The following DNAJC8 variants were observed in gnomAD, a reference collection of about 807,000 sequenced individuals.
DNAJC8 encodes the protein dnaJ homolog subfamily C member 8.
A neutral mutation model predicts 43.2 loss-of-function variants in DNAJC8; 24 were observed. The ratio of observed to expected loss-of-function variants is 0.56; its 90% confidence interval spans 0.40 to 0.78. The LOEUF is 0.78. DNAJC8 is among the 30% of genes least tolerant of loss of function. DNAJC8 has a pLI of 0.00. For missense variants in DNAJC8, 207 were observed against 299.4 expected (o/e 0.69, Z 2.28); for synonymous variants, 83 against 98.0 (o/e 0.85, Z 0.90).
At chr1:28,224,168 TG>T (rs1265385956) in intron 2 of DNAJC8, among the ~76,000 whole-genome samples, 2 of 152,154 alleles carry the variant, frequency 1.3e-5, no homozygotes, top group African/African-American at 4.8e-5. Flanking sequence ...GGCAAATAAA[TG>T]AACTAAAATT....
chr1:28,208,330 T>C lies in DNAJC8; in HGVS notation c.471+12A>G. The C allele has an allele frequency of 1.2e-6, 2 of 1,608,958 alleles. No individual in the cohort carries two copies. Among genetic ancestry groups the C allele is most frequent in the Non-Finnish European group, 1.7e-6 (2 of 1,177,056 alleles). ...ACACAAGATACAGTGGCTTTTCCTATATTTAACTCACCAGCTCAGGATCAT... is the reference window on the plus strand; with the variant it reads ...ACACAAGATACAGTGGCTTTTCCTACATTTAACTCACCAGCTCAGGATCAT... On this transcript the variant is annotated intron_variant, in intron 6 of 8. Coordinates refer to ENST00000263697, the MANE Select transcript of DNAJC8 (RefSeq NM_014280.3).
intron 6 of DNAJC8, 31 bp downstream of exon 6, chr1:28,208,311 G>A: frequency 6.4e-7 from 1 of 1,572,504 alleles, no homozygotes; most frequent in Non-Finnish European, 8.7e-7. Context: ...AATCACACAA[G>A]ATACAGTGGC....
At chr1:28,231,869 G>A (rs909602044) in intron 1 of DNAJC8, among the ~76,000 whole-genome samples, 19 of 151,442 alleles carry the variant, frequency 1.3e-4, no homozygotes, top group Non-Finnish European at 2.2e-4. Context: ...CCGGGTTCAC[G>A]CCATTCTCCT....
chr1:28,219,324 C>A (rs11803676), intron 2 of DNAJC8, among the ~76,000 whole-genome samples: 1 of 151,948 alleles, frequency 6.6e-6, no homozygotes, highest in Admixed American at 6.6e-5. Context: ...CTGGCTAACA[C>A]GGTGAAACAT....
chr1:28,201,791 A>C (rs1269876656), intron 8 of DNAJC8, among the ~76,000 whole-genome samples: 1 of 147,280 alleles, frequency 6.8e-6, no homozygotes, highest in Non-Finnish European at 1.5e-5. Context: ...CTTTGTATCA[A>C]AAAAAAAAAA....
At chr1:28,228,279 A>G (rs763071087) in intron 2 of DNAJC8, among the ~76,000 whole-genome samples, 7 of 149,424 alleles carry the variant, frequency 4.7e-5, no homozygotes, top group Non-Finnish European at 8.9e-5. Context: ...AACCTGGGAG[A>G]AGGAGGTTGC....
intron 8 of DNAJC8, 57 bp downstream of exon 8, chr1:28,203,690 C>T: frequency 8.3e-6 from 13 of 1,573,094 alleles, no homozygotes; most frequent in Non-Finnish European, 1.0e-5. Flanking sequence ...GGGAGCGCCA[C>T]AGGAACCAAG....
At chr1:28,208,918 G>C (rs1359972393) in intron 5 of DNAJC8, 5 of 152,020 alleles carry the variant, frequency 3.3e-5, no homozygotes, top group African/African-American at 1.2e-4. Flanking sequence ...TTATCACATT[G>C]GCCACTACTG....
Position 28,205,314 on chromosome 1 carries a change from G to C in DNAJC8, c.507C>G (p.Leu169=). The change falls in exon 7 of 9, where the codon CTC becomes CTG. Residue 169 remains leucine (L), a synonymous_variant. Transcript: ENST00000263697. ...KQAVYKQTMK[L]FAELEIKRKE... ...TCCTTTTAATTTCCAGCTCTGCAAA[G>C]AGTTTCATTGTCTGTTTATATACAG... The C allele has an allele frequency of 4.3e-6, 7 of 1,613,452 alleles. No homozygotes were observed. Among genetic ancestry groups the C allele is most frequent in the Non-Finnish European group, 5.9e-6 (7 of 1,179,878 alleles).
At chr1:28,209,819 A>T (rs1646798469) in intron 5 of DNAJC8, among the ~76,000 whole-genome samples, 153 bp downstream of exon 5, 1 of 152,186 alleles carries the variant, frequency 6.6e-6, no homozygotes, top group African/African-American at 2.4e-5. Flanking sequence ...TCAGGCACAC[A>T]CTATTCATGA....
intron 3 of DNAJC8, among the ~76,000 whole-genome samples, 190 bp downstream of exon 3, chr1:28,214,750 G>A (rs1248193989): frequency 2.0e-5 from 3 of 151,780 alleles, no homozygotes; most frequent in Admixed American, 1.3e-4. Context: ...CTATTCATAG[G>A]TAAGCTATGG....
In DNAJC8 at chr1:28,205,252, AT is replaced by A; in HGVS notation, c.563+5del. Reference sequence around the variant, plus strand: ...ATATGGTTTAAATGAATATACTGATATGTACCTTTCATGCATCTCTTTGGCT... The same window carrying A: ...ATATGGTTTAAATGAATATACTGATAGTACCTTTCATGCATCTCTTTGGCT... On this transcript the variant is annotated splice_donor_5th_base_variant and intron_variant, in intron 7 of 8. Transcript: ENST00000263697. 6.2e-7 allele frequency: 1 copy of A among 1,601,642 alleles called. No homozygotes were observed. Among genetic ancestry groups the A allele is most frequent in the Admixed American group, 1.7e-5 (1 of 59,602 alleles).
intron 2 of DNAJC8, among the ~76,000 whole-genome samples, chr1:28,224,868 A>G (rs529076398): frequency 1.3e-4 from 18 of 142,738 alleles, no homozygotes; most frequent in African/African-American, 4.3e-4. Context: ...TGGGCAGTGG[A>G]GTGAGACTCT....
At chr1:28,225,729 GTC>G (rs1421085616) in intron 2 of DNAJC8, among the ~76,000 whole-genome samples, 1 of 137,728 alleles carries the variant, frequency 7.3e-6, no homozygotes, top group Non-Finnish European at 1.5e-5. Context: ...TTTTGAGACA[GTC>G]TCGTTCTGTC....
At chr1:28,222,435 G>A (rs957259970) in intron 2 of DNAJC8, among the ~76,000 whole-genome samples, 1 of 135,046 alleles carries the variant, frequency 7.4e-6, no homozygotes, top group South Asian at 2.3e-4. Flanking sequence ...GCAGTAAGCC[G>A]AGATCACGCC....
At chr1:28,202,221 G>A (rs961702820) in intron 8 of DNAJC8, among the ~76,000 whole-genome samples, 6 of 152,166 alleles carry the variant, frequency 3.9e-5, no homozygotes, top group African/African-American at 1.4e-4. Flanking sequence ...TCACAACACT[G>A]AGGCCCCATT....
In DNAJC8 at chr1:28,201,048, A is replaced by C; in HGVS notation, c.*200T>G. On this transcript the variant is annotated 3_prime_UTR_variant, in exon 9 of 9. Transcript: ENST00000263697. ...GTTGTTCTAGGGGCAGGGAGAGGGA[A>C]AGGTCTTTTTTTAAACCAAGCCCCT... 1 of 715,858 alleles carries C rather than the reference A, an allele frequency of 1.4e-6. No homozygotes were observed. The highest frequency in any genetic ancestry group is 2.2e-6 in the Non-Finnish European group (1 of 454,326). 44.3% of individuals were successfully genotyped at this position (715,858 alleles called of 1,614,324 possible). A position where few individuals can be genotyped will look rare whatever the true frequency, so the allele number is the denominator to read the frequency against.
At position 28,227,509 on chromosome 1, in the gene DNAJC8, T is replaced by C. The variant is rs66899127; in HGVS notation, c.180+1413A>G. Among the ~76,000 whole-genome samples the C allele has an allele frequency of 7.9e-3, 1,193 of 151,630 alleles. 51 individuals are homozygous for C. The highest frequency in any genetic ancestry group is 0.017 in the African/African-American group (701 of 41,324). On this transcript the variant is annotated intron_variant, in intron 2 of 8. Transcript: ENST00000263697. ...TGGGAGCCCAAGGTGGGCAAATCGTTTGAACCCAGGAGTTCAAGGGTGCAG... is the reference window on the plus strand; with the variant it reads ...TGGGAGCCCAAGGTGGGCAAATCGTCTGAACCCAGGAGTTCAAGGGTGCAG...
intron 7 of DNAJC8, 93 bp downstream of exon 7, chr1:28,205,165 C>T (rs1646760228): frequency 1.1e-6 from 1 of 920,514 alleles, no homozygotes; most frequent in Non-Finnish European, 1.7e-6. Flanking sequence ...AAATGGTATA[C>T]TATATAATTC....
Sources: allele counts gnomAD v4.1 joint callset (sites outside exome capture counted in the v4.1 genomes callset), GRCh38; gene constraint gnomAD v4.1.1; transcripts MANE v1.5; gene names NCBI Gene and HGNC (gene_info 2026-07-23, HGNC 2026-07-21).